The following ADGRL4 variants were observed in gnomAD, a reference collection of about 807,000 sequenced individuals.
ADGRL4 encodes EGF, latrophilin and seven transmembrane domain containing 1.
In ADGRL4, 90 loss-of-function variants were observed where a neutral mutation model predicts 74.8. The observed-to-expected ratio is 1.20, with a 90% CI of 1.02 to 1.43. The LOEUF (loss-of-function observed/expected upper bound fraction) is 1.43, where lower values mean the gene tolerates loss of function less well. Among genes scored for constraint, ADGRL4 ranks in the 40% most tolerant of loss-of-function variants. The pLI, the probability that ADGRL4 is intolerant of heterozygous loss-of-function variation, is 0.00. For synonymous variants in ADGRL4, 311 were observed against 279.2 expected (o/e 1.11, Z -1.14); for missense variants, 881 against 814.3 (o/e 1.08, Z -1.00).
At chr1:79,000,176 A>C (rs1296226352) in intron 2 of ADGRL4, among the ~76,000 whole-genome samples, 4 of 152,160 alleles carry the variant, frequency 2.6e-5, no homozygotes, top group African/African-American at 9.7e-5. Flanking sequence ...ATACTGATTA[A>C]AAATAAATGA....
chr1:78,942,682 A>G (rs1557506677), intron 3 of ADGRL4, among the ~76,000 whole-genome samples: 1 of 152,178 alleles, frequency 6.6e-6, no homozygotes, highest in Non-Finnish European at 1.5e-5. Flanking sequence ...TAATCCCAGC[A>G]CTTTAGGAGG....
chr1:78,918,157 A>C lies in ADGRL4; in HGVS notation c.1462-107T>G, dbSNP rs1194973075. 7 of 813,566 alleles carry C rather than the reference A, an allele frequency of 8.6e-6. No individual in the cohort carries two copies. In the Admixed American group the frequency reaches 1.6e-4, roughly 19 times the overall value. The allele number at this position is 813,566 out of a possible 1,614,324, so 50.4% of individuals were successfully genotyped here. On this transcript the variant is annotated intron_variant, in intron 10 of 14. Coordinates refer to ENST00000370742, the MANE Select transcript of ADGRL4 (RefSeq NM_022159.4). ...AAATCACAACTTTCTTTATACTATA[A>C]AGTATGCCACTTTATATAATGATTA... is the stretch of plus-strand genomic sequence containing the variant.
intron 12 of ADGRL4, among the ~76,000 whole-genome samples, chr1:78,909,402 C>G (rs1037417691): frequency 6.6e-6 from 1 of 151,804 alleles, no homozygotes; most frequent in Non-Finnish European, 1.5e-5. Context: ...TATCATCCCC[C>G]AGAGGACATG....
At chr1:78,990,807 A>G (rs1298718952) in intron 2 of ADGRL4, among the ~76,000 whole-genome samples, 3 of 151,958 alleles carry the variant, frequency 2.0e-5, no homozygotes, top group Non-Finnish European at 4.4e-5. Context: ...TTGTACTTTT[A>G]AAAAATATTC....
intron 12 of ADGRL4, among the ~76,000 whole-genome samples, chr1:78,897,956 TAAAG>T (rs1648432173): frequency 6.6e-6 from 1 of 152,032 alleles, no homozygotes; most frequent in Non-Finnish European, 1.5e-5. Context: ...AAGCTTTAAA[TAAAG>T]AATCAGTATC....
At chr1:78,907,441 G>A (rs534572079) in intron 12 of ADGRL4, among the ~76,000 whole-genome samples, 29 of 151,894 alleles carry the variant, frequency 1.9e-4, no homozygotes, top group African/African-American at 6.5e-4. Flanking sequence ...AATATACTGA[G>A]AGAAAATCCA....
intron 2 of ADGRL4, among the ~76,000 whole-genome samples, chr1:78,948,492 C>T (rs1040928881): frequency 6.6e-6 from 1 of 151,928 alleles, no homozygotes; most frequent in Non-Finnish European, 1.5e-5. Context: ...TTGTCAAATG[C>T]CCCTAAAGCA....
chr1:78,917,972 G>A lies in ADGRL4; in HGVS notation c.1540C>T (p.His514Tyr). 1 of 1,612,206 alleles carries A rather than the reference G, an allele frequency of 6.2e-7. No homozygotes were observed. The highest frequency in any genetic ancestry group is 8.5e-7 in the Non-Finnish European group (1 of 1,178,976). ...ACACCCACAACAATGAGATAGAGAT[G>A]TATGCCTTCAATGCACATCCATGCA... is the stretch of plus-strand genomic sequence containing the variant. Reference protein sequence around the residue: ...AFAWMCIEGIHLYLIVVGVIY... With the variant: ...AFAWMCIEGIYLYLIVVGVIY... Residue 514 changes from histidine to tyrosine, a missense_variant, in exon 11 of 15, where the codon CAT becomes TAT. Transcript: ENST00000370742.
At chr1:78,973,574 G>A (rs565364605) in intron 2 of ADGRL4, among the ~76,000 whole-genome samples, 1 of 149,554 alleles carries the variant, frequency 6.7e-6, no homozygotes, top group African/African-American at 2.4e-5. Flanking sequence ...ATAATTAAAT[G>A]TCAATATAAA....
intron 12 of ADGRL4, among the ~76,000 whole-genome samples, chr1:78,902,858 C>T (rs1648547546): frequency 6.6e-6 from 1 of 151,944 alleles, no homozygotes; most frequent in African/African-American, 2.4e-5. Context: ...CATCTGTCCT[C>T]ATTGTTCTCT....
chr1:78,974,541 AC>A (rs2100720381), intron 2 of ADGRL4, among the ~76,000 whole-genome samples: 1 of 152,306 alleles, frequency 6.6e-6, no homozygotes, highest in African/African-American at 2.4e-5. Context: ...ATGAAATACC[AC>A]AAATTTTATG....
At chr1:78,923,013 T>C (rs1465893698) in intron 8 of ADGRL4, among the ~76,000 whole-genome samples, 3 of 151,962 alleles carry the variant, frequency 2.0e-5, no homozygotes, top group Non-Finnish European at 2.9e-5. Flanking sequence ...GTTGGAGCAC[T>C]GAAAAAAACT....
chr1:78,946,475 T>G (rs778239872), intron 2 of ADGRL4, 49 bp from the exon 3 acceptor site: 52 of 1,466,964 alleles, frequency 3.5e-5, no homozygotes, highest in Non-Finnish European at 4.4e-5. Flanking sequence ...TTGACATAAA[T>G]TTTGACTATT....
At chr1:78,922,492 TG>T (rs1649021296) in intron 8 of ADGRL4, among the ~76,000 whole-genome samples, 1 of 152,018 alleles carries the variant, frequency 6.6e-6, no homozygotes, top group African/African-American at 2.4e-5. Flanking sequence ...ACACACAGAC[TG>T]TGTGATAGTT....
At chr1:78,985,763 T>A (rs1299198738) in intron 2 of ADGRL4, among the ~76,000 whole-genome samples, 1 of 151,814 alleles carries the variant, frequency 6.6e-6, no homozygotes, top group African/African-American at 2.4e-5. Flanking sequence ...AGTGAAGACA[T>A]GGAATTAACC....
chr1:79,006,561 T>A, intron 1 of ADGRL4, 72 bp downstream of exon 1: 2 of 1,515,658 alleles, frequency 1.3e-6, no homozygotes, highest in Non-Finnish European at 1.8e-6. Context: ...CTCCACCTCT[T>A]AAAAAATCCA....
chr1:78,962,472 G>T (rs1410651843), intron 2 of ADGRL4, among the ~76,000 whole-genome samples: 1 of 151,994 alleles, frequency 6.6e-6, no homozygotes, highest in African/African-American at 2.4e-5. Context: ...TGGCTCTCGT[G>T]TTCTTTCTAT....
chr1:78,921,281 CA>C (rs1387308288), intron 9 of ADGRL4, among the ~76,000 whole-genome samples: 1 of 150,802 alleles, frequency 6.6e-6, no homozygotes, highest in Non-Finnish European at 1.5e-5. Flanking sequence ...ACTGTCATCA[CA>C]AAAAAGTGCC....
At chr1:78,932,224 C>T (rs1176604054) in intron 7 of ADGRL4, among the ~76,000 whole-genome samples, 1 of 151,454 alleles carries the variant, frequency 6.6e-6, no homozygotes, top group Non-Finnish European at 1.5e-5. Context: ...TCATAACAGT[C>T]TCTCAGATTA....
Sources: allele counts gnomAD v4.1 joint callset (sites outside exome capture counted in the v4.1 genomes callset), GRCh38; gene constraint gnomAD v4.1.1; transcripts MANE v1.5; gene names NCBI Gene and HGNC (gene_info 2026-07-23, HGNC 2026-07-21).